SNX29: variants seen among roughly 807,000 people sequenced by gnomAD.
SNX29 encodes the protein sorting nexin-29.
A neutral mutation model predicts 102.1 loss-of-function variants in SNX29; 78 were observed. The ratio of observed to expected loss-of-function variants is 0.76; its 90% CI spans 0.64 to 0.92. The LOEUF is 0.92. SNX29 is among the 40% of genes least tolerant of loss of function. The pLI, the probability that SNX29 is intolerant of heterozygous loss-of-function variation, is 0.00. For missense variants in SNX29, 1,280 were observed against 1,061.7 expected (o/e 1.21, Z -2.86); for synonymous variants, 580 against 414.5 (o/e 1.40, Z -4.85).
chr16:12,226,366 A>G (rs1006010450), intron 14 of SNX29, among the ~76,000 whole-genome samples: 2 of 152,178 alleles, frequency 1.3e-5, no homozygotes, highest in African/African-American at 4.8e-5. Flanking sequence ...AATGTGCACT[A>G]TTAAGGTAAA....
At chr16:12,026,629 A>C (rs2151114788) in intron 3 of SNX29, among the ~76,000 whole-genome samples, 1 of 152,342 alleles carries the variant, frequency 6.6e-6, no homozygotes, top group Non-Finnish European at 1.5e-5. Context: ...AATTAAATGC[A>C]CAGTAATTGT....
At chr16:12,348,824 G>T (rs1297248324) in intron 15 of SNX29, among the ~76,000 whole-genome samples, 10 of 152,166 alleles carry the variant, frequency 6.6e-5, no homozygotes, top group Admixed American at 6.6e-4. Flanking sequence ...TACAAAATTA[G>T]GGACGGTAAC....
chr16:12,457,359 G>T (rs1191015318), intron 18 of SNX29, among the ~76,000 whole-genome samples: 1 of 152,184 alleles, frequency 6.6e-6, no homozygotes, highest in African/African-American at 2.4e-5. Context: ...TGAGGCAGCA[G>T]TTCCCACAGC....
chr16:12,282,822 A>AT (rs561055872), intron 15 of SNX29, among the ~76,000 whole-genome samples: 3 of 152,002 alleles, frequency 2.0e-5, no homozygotes, highest in Non-Finnish European at 4.4e-5. Context: ...TGCCTGGCTA[A>AT]TTTTTTGTAT....
intron 20 of SNX29, among the ~76,000 whole-genome samples, chr16:12,561,618 C>A (rs930553016): frequency 6.6e-6 from 1 of 150,960 alleles, no homozygotes; most frequent in Admixed American, 6.6e-5. Context: ...ACGCAGTGTA[C>A]CCCAAGAGGC....
chr16:12,385,901 G>A (rs999500006), intron 16 of SNX29, among the ~76,000 whole-genome samples: 1 of 152,204 alleles, frequency 6.6e-6, no homozygotes, highest in Non-Finnish European at 1.5e-5. Flanking sequence ...CTGGGCTCAG[G>A]CCTCACCAGC....
intron 13 of SNX29, among the ~76,000 whole-genome samples, chr16:12,177,098 C>A (rs1567280847): frequency 6.6e-6 from 1 of 152,152 alleles, no homozygotes; most frequent in Non-Finnish European, 1.5e-5. Flanking sequence ...GAGGTACACA[C>A]CACTACACCC....
chr16:12,127,444 A>G (rs1303475720), intron 12 of SNX29, among the ~76,000 whole-genome samples: 2 of 129,042 alleles, frequency 1.5e-5, no homozygotes. Flanking sequence ...TTTTTTTGAG[A>G]TAGTTCTGGC....
intron 20 of SNX29, among the ~76,000 whole-genome samples, chr16:12,525,314 C>G (rs977740245): frequency 1.3e-5 from 2 of 150,172 alleles, no homozygotes; most frequent in African/African-American, 4.9e-5. Context: ...ATGCCTTCTT[C>G]TCTCTTGAAA....
At chr16:12,280,596 T>C (rs928950651) in intron 15 of SNX29, among the ~76,000 whole-genome samples, 1 of 152,170 alleles carries the variant, frequency 6.6e-6, no homozygotes, top group Non-Finnish European at 1.5e-5. Context: ...AAGTGTGAGG[T>C]TGAAGCAGAC....
At chr16:12,356,888 A>G (rs981703791) in intron 16 of SNX29, among the ~76,000 whole-genome samples, 7 of 152,244 alleles carry the variant, frequency 4.6e-5, no homozygotes, top group African/African-American at 1.7e-4. Flanking sequence ...AAATGTCTCC[A>G]GATATCGCCA....
chr16:12,027,658 C>G lies in SNX29; in HGVS notation c.247+214C>G, dbSNP rs149172127. ...GAAGTCATCTTTTGTGCAGAATTCT[C>G]AGAGCCACATGGTACAGTCTCCTCT... is the stretch of plus-strand genomic sequence containing the variant. On this transcript the variant is annotated intron_variant, in intron 4 of 20. Transcript: ENST00000566228. 2.3e-3 allele frequency: 1,135 copies of G among 499,128 alleles called. 17 individuals are homozygous for G. Among genetic ancestry groups the G allele is most frequent in the African/African-American group, 0.019 (984 of 50,768 alleles). The allele number at this position is 499,128 out of a possible 1,614,324, so 30.9% of individuals were successfully genotyped here.
At chr16:12,563,587 C>G (rs139657379) in intron 20 of SNX29, among the ~76,000 whole-genome samples, 2 of 143,406 alleles carry the variant, frequency 1.4e-5, no homozygotes, top group Non-Finnish European at 3.2e-5. Context: ...GTGGCTTAGG[C>G]CTCCATGTCT....
intron 20 of SNX29, among the ~76,000 whole-genome samples, chr16:12,543,853 G>A (rs1366913512): frequency 2.6e-5 from 4 of 152,214 alleles, no homozygotes; most frequent in Admixed American, 6.5e-5. Context: ...AGAAGCCAGT[G>A]GTGGAACATC....
chr16:12,286,159 T>A (rs2079589377), intron 15 of SNX29, among the ~76,000 whole-genome samples: 2 of 151,354 alleles, frequency 1.3e-5, no homozygotes, highest in Non-Finnish European at 3.0e-5. Context: ...TTTTTTTTTT[T>A]AATCACATGA....
At chr16:12,449,715 C>T (rs1193186698) in intron 18 of SNX29, among the ~76,000 whole-genome samples, 1 of 152,240 alleles carries the variant, frequency 6.6e-6, no homozygotes, top group African/African-American at 2.4e-5. Flanking sequence ...GCCTGTCTCA[C>T]TTCAGAGCCT....
intron 20 of SNX29, among the ~76,000 whole-genome samples, chr16:12,539,376 C>T (rs752787674): frequency 4.6e-5 from 7 of 152,066 alleles, no homozygotes; most frequent in Non-Finnish European, 5.9e-5. Flanking sequence ...CCTCTTGAGG[C>T]TGGCGTCTTT....
chr16:12,430,709 T>G (rs920775454), intron 18 of SNX29, among the ~76,000 whole-genome samples: 1 of 152,236 alleles, frequency 6.6e-6, no homozygotes, highest in Non-Finnish European at 1.5e-5. Flanking sequence ...TTACTATTAC[T>G]TTTGTTGTCC....
At position 12,049,738 on chromosome 16, in the gene SNX29, A is replaced by T. The variant is rs373314401; in HGVS notation, c.748+1118A>T. ...TTCAATACCCTTTGATTCCTTTGGG[A>T]CATTAAGATGTTACTACAGCAAAAT... On this transcript the variant is annotated intron_variant, in intron 7 of 20. Coordinates refer to ENST00000566228, the MANE Select transcript of SNX29 (RefSeq NM_032167.5). 2.0e-4 allele frequency among the ~76,000 whole-genome samples: 30 copies of T among 152,076 alleles called. No individual in the cohort carries two copies. In the East Asian group the frequency reaches 5.4e-3, roughly 27 times the overall value.
Sources: allele counts gnomAD v4.1 joint callset (sites outside exome capture counted in the v4.1 genomes callset), GRCh38; gene constraint gnomAD v4.1.1; transcripts MANE v1.5; gene names NCBI Gene and HGNC (gene_info 2026-07-23, HGNC 2026-07-21).